EYA2: variants seen among roughly 807,000 people sequenced by gnomAD.
EYA2 encodes the protein EYA transcriptional coactivator and phosphatase 2, also known as protein phosphatase EYA2.
Under a neutral mutation model 69.2 loss-of-function variants are expected in EYA2, and 31 were observed. The ratio of observed to expected loss-of-function variants is 0.45; its 90% CI spans 0.34 to 0.60. The LOEUF is 0.60. Among genes scored for constraint, EYA2 ranks in the 20% least tolerant of loss-of-function variants. EYA2 has a pLI of 0.02. For missense variants in EYA2, 622 were observed against 701.2 expected, an observed-to-expected ratio of 0.89 and a Z score of 1.28; for synonymous variants, 257 against 279.4, an observed-to-expected ratio of 0.92 and a Z score of 0.80.
At chr20:47,161,435 GA>G in intron 10 of EYA2, 2 of 422,362 alleles carry the variant, frequency 4.7e-6, no homozygotes, top group Non-Finnish European at 4.5e-6. Flanking sequence ...AAGCCCCCAG[GA>G]AAAAGTCAAT....
chr20:46,989,306 G>C (rs960008974), intron 1 of EYA2, among the ~76,000 whole-genome samples: 1 of 151,942 alleles, frequency 6.6e-6, no homozygotes, highest in African/African-American at 2.4e-5. Flanking sequence ...TCATTCTGTC[G>C]CGAGGCTGGA....
chr20:47,034,933 CTG>C (rs1310627336), intron 5 of EYA2, among the ~76,000 whole-genome samples: 1 of 152,234 alleles, frequency 6.6e-6, no homozygotes, highest in East Asian at 1.9e-4. Flanking sequence ...GGCATTCTCT[CTG>C]TGTGTCTGGG....
chr20:47,098,689 G>T (rs778403890), intron 9 of EYA2, among the ~76,000 whole-genome samples: 1 of 152,084 alleles, frequency 6.6e-6, no homozygotes, highest in Non-Finnish European at 1.5e-5. Context: ...CCCAATTCCA[G>T]CCACCTTCAC....
chr20:47,123,229 A>G (rs1390468276), intron 9 of EYA2, among the ~76,000 whole-genome samples: 1 of 152,168 alleles, frequency 6.6e-6, no homozygotes, highest in Non-Finnish European at 1.5e-5. Flanking sequence ...TTCGATGCAT[A>G]TAAAGTATAA....
At chr20:46,946,581 G>A (rs892344750) in intron 1 of EYA2, among the ~76,000 whole-genome samples, 2 of 152,178 alleles carry the variant, frequency 1.3e-5, no homozygotes, top group African/African-American at 4.8e-5. Context: ...ATATAGGCCA[G>A]CGGTCAGCAA....
At chr20:46,986,625 G>A (rs1313778805) in intron 1 of EYA2, among the ~76,000 whole-genome samples, 1 of 152,050 alleles carries the variant, frequency 6.6e-6, no homozygotes, top group Non-Finnish European at 1.5e-5. Context: ...GGTGGTACTA[G>A]CATGGCATCA....
chr20:47,171,092 A>G (rs1181500950), intron 11 of EYA2, among the ~76,000 whole-genome samples: 1 of 152,226 alleles, frequency 6.6e-6, no homozygotes, highest in Admixed American at 6.5e-5. Flanking sequence ...ACCCCAGATC[A>G]AGGTTAATTG....
intron 1 of EYA2, among the ~76,000 whole-genome samples, chr20:46,920,539 C>T (rs1466391415): frequency 1.3e-5 from 2 of 151,824 alleles, no homozygotes; most frequent in African/African-American, 2.4e-5. Flanking sequence ...TGCTTTTTTT[C>T]GGGAGGGAGA....
chr20:47,011,249 A>G (rs1329100387), intron 4 of EYA2, among the ~76,000 whole-genome samples: 2 of 152,150 alleles, frequency 1.3e-5, no homozygotes, highest in African/African-American at 4.8e-5. Flanking sequence ...AGCAGAGGGC[A>G]CCTGCCTCAG....
At chr20:47,084,595 C>T (rs2031833126) in intron 7 of EYA2, among the ~76,000 whole-genome samples, 1 of 152,030 alleles carries the variant, frequency 6.6e-6, no homozygotes, top group South Asian at 2.1e-4. Flanking sequence ...ATGATAGATG[C>T]CTCACCAAAG....
chr20:47,169,114 T>C (rs1450129590), intron 10 of EYA2, 25 bp from the exon 11 acceptor site: 1 of 1,610,390 alleles, frequency 6.2e-7, no homozygotes, highest in Admixed American at 1.7e-5. Flanking sequence ...TCTCTCTCTC[T>C]CTCTCTCTGT....
chr20:47,148,757 A>G (rs1366264393), intron 10 of EYA2, among the ~76,000 whole-genome samples: 2 of 152,232 alleles, frequency 1.3e-5, no homozygotes. Flanking sequence ...ATGTTGGGTT[A>G]AAATTCAAGC....
At chr20:46,991,451 C>A (rs1453741215) in intron 2 of EYA2, among the ~76,000 whole-genome samples, 1 of 152,156 alleles carries the variant, frequency 6.6e-6, no homozygotes, top group Non-Finnish European at 1.5e-5. Context: ...GTCTGGCACA[C>A]CTTGGGGGCA....
intron 1 of EYA2, among the ~76,000 whole-genome samples, chr20:46,926,800 C>T (rs2146245114): frequency 6.6e-6 from 1 of 152,244 alleles, no homozygotes; most frequent in South Asian, 2.1e-4. Flanking sequence ...GACTGCCGTG[C>T]CTAATTAAAA....
At chr20:47,066,946 C>T (rs1184284819) in intron 5 of EYA2, among the ~76,000 whole-genome samples, 5 of 152,150 alleles carry the variant, frequency 3.3e-5, no homozygotes. Flanking sequence ...GAGACCACAA[C>T]TTGTGGCACA....
intron 5 of EYA2, among the ~76,000 whole-genome samples, chr20:47,058,659 A>G (rs1468998041): frequency 6.6e-6 from 1 of 152,192 alleles, no homozygotes; most frequent in East Asian, 1.9e-4. Flanking sequence ...AACCTGGGCA[A>G]TATAGCAAGA....
chr20:47,118,776 G>A (rs909456626), intron 9 of EYA2, among the ~76,000 whole-genome samples: 3 of 152,136 alleles, frequency 2.0e-5, no homozygotes, highest in African/African-American at 7.2e-5. Flanking sequence ...AGAGTTCTGA[G>A]CGAGTTAAGT....
At chr20:46,957,907 C>T (rs1979234207) in intron 1 of EYA2, among the ~76,000 whole-genome samples, 1 of 152,202 alleles carries the variant, frequency 6.6e-6, no homozygotes, top group Admixed American at 6.5e-5. Flanking sequence ...TCTCAACTTG[C>T]AATTTGTCCC....
chr20:46,923,421 T>C (rs1374559460), intron 1 of EYA2, among the ~76,000 whole-genome samples: 2 of 152,184 alleles, frequency 1.3e-5, no homozygotes, highest in East Asian at 1.9e-4. Flanking sequence ...ATAGGACAAC[T>C]AAATACAGTA....
Sources: allele counts gnomAD v4.1 joint callset (sites outside exome capture counted in the v4.1 genomes callset), GRCh38; gene constraint gnomAD v4.1.1; transcripts MANE v1.5; gene names NCBI Gene and HGNC (gene_info 2026-07-23, HGNC 2026-07-21).